The following ST8SIA3 variants were observed in gnomAD, a reference collection of about 807,000 sequenced individuals.
The protein encoded by ST8SIA3 is alpha-N-acetylneuraminate alpha-2,8-sialyltransferase ST8SIA3.
A neutral mutation model predicts 34.5 loss-of-function variants in ST8SIA3; 17 were observed. The observed-to-expected ratio is 0.49, with a 90% CI of 0.34 to 0.74. ST8SIA3 has a LOEUF of 0.74. Among genes scored for constraint, ST8SIA3 ranks in the 30% least tolerant of loss-of-function variants. The pLI, the probability that ST8SIA3 is intolerant of heterozygous loss-of-function variation, is 0.01. For missense variants in ST8SIA3, 354 were observed against 467.8 expected (o/e 0.76, Z 2.24); for synonymous variants, 172 against 176.1 (o/e 0.98, Z 0.19).
Position 57,357,372 on chromosome 18 carries a change from A to G in ST8SIA3, c.762A>G (p.Ala254=). 6.2e-7 allele frequency: 1 copy of G among 1,613,242 alleles called. No individual in the cohort carries two copies. The highest frequency in any genetic ancestry group is 8.5e-7 in the Non-Finnish European group (1 of 1,179,986). ...CTGCATTTTTCTTCCACACTTCAGCAACTGTGACCAGGACATTAGTTGACT... is the reference window on the plus strand; with the variant it reads ...CTGCATTTTTCTTCCACACTTCAGCGACTGTGACCAGGACATTAGTTGACT... ...WIPAFFFHTS[A]TVTRTLVDFF... The change falls in exon 3 of 4, where the codon GCA becomes GCG. Residue 254 remains alanine (A), a synonymous_variant. Transcript: ENST00000324000.
intron 2 of ST8SIA3, 50 bp from the exon 3 acceptor site, chr18:57,356,863 A>G: frequency 1.6e-6 from 2 of 1,215,444 alleles, no homozygotes; most frequent in Non-Finnish European, 2.3e-6. Flanking sequence ...TAAGATGGAA[A>G]ATCAGTTCTT....
chr18:57,354,612 T>C lies in ST8SIA3; in HGVS notation c.302+88T>C, dbSNP rs2049787593. ...AAACAAAAACAAGCAAACAAAAACATCTAAAACAACAAACATCTATACGCC... is the reference window on the plus strand; with the variant it reads ...AAACAAAAACAAGCAAACAAAAACACCTAAAACAACAAACATCTATACGCC... On this transcript the variant is annotated intron_variant, in intron 2 of 3. Transcript: ENST00000324000. 8 of 1,525,042 alleles carry C rather than the reference T, an allele frequency of 5.2e-6. No homozygotes were observed. In the South Asian group the frequency reaches 9.5e-5, roughly 18 times the overall value. 94.5% of individuals were successfully genotyped at this position (1,525,042 alleles called of 1,614,324 possible). A position where few individuals can be genotyped will look rare whatever the true frequency, so the allele number is the denominator to read the frequency against.
In ST8SIA3 at chr18:57,352,687, C is replaced by A. The variant is rs189454939; in HGVS notation, c.-160C>A. 1,414 of 266,242 alleles carry A rather than the reference C, an allele frequency of 5.3e-3. 16 individuals are homozygous for A. Among genetic ancestry groups the A allele is most frequent in the Non-Finnish European group, 7.9e-3 (1,101 of 139,604 alleles). 16.5% of individuals were successfully genotyped at this position (266,242 alleles called of 1,614,324 possible). ...CAACCCCCGGCCCCGGTGGCCTCCC[C>A]CCACCCCCGCCCGGGTCCCCCTCCT... On this transcript the variant is annotated 5_prime_UTR_variant, in exon 1 of 4. Coordinates refer to ENST00000324000, the MANE Select transcript of ST8SIA3 (RefSeq NM_015879.3).
At position 57,352,903 on chromosome 18, in the gene ST8SIA3, C is replaced by G; in HGVS notation, c.57C>G (p.Ser19Arg). The G allele has an allele frequency of 6.2e-7, 1 of 1,613,752 alleles. No individual in the cohort carries two copies. The highest frequency in any genetic ancestry group is 2.2e-5 in the East Asian group (1 of 44,862). Residue 19 changes from serine (S) to arginine (R), a missense_variant, in exon 1 of 4, where the codon AGC becomes AGG. Transcript: ENST00000324000. ...VASVLGLVML[S>R]VALLILSLIS... ...GTGTGCTGGGGCTGGTCATGCTCAG[C>G]GTCGCCCTGCTGATTTTATCGCTCA...
rs1243357769 is a variant in ST8SIA3, at chr18:57,368,876, A to G, written c.*8599A>G. 6.6e-6 allele frequency: 1 copy of G among 152,250 alleles called. No homozygotes were observed. The highest frequency in any genetic ancestry group is 1.5e-5 in the Non-Finnish European group (1 of 68,048). The allele number at this position is 152,250 out of a possible 1,614,324, so 9.4% of individuals were successfully genotyped here. ...GCCTGCCTCATTGCCTTGTGTTCCA[A>G]ACACAGTACTGAATGCGTTGTTTTT... On this transcript the variant is annotated 3_prime_UTR_variant, in exon 4 of 4. Coordinates refer to ENST00000324000, the MANE Select transcript of ST8SIA3 (RefSeq NM_015879.3).
rs183732105 is a variant in ST8SIA3, at chr18:57,360,703, C to T, written c.*426C>T. The T allele has an allele frequency of 8.4e-4, 136 of 161,710 alleles. 1 individual carries two copies. The highest frequency in any genetic ancestry group is 2.9e-3 in the African/African-American group (122 of 41,722). 10.0% of individuals were successfully genotyped at this position (161,710 alleles called of 1,614,324 possible). A position where few individuals can be genotyped will look rare whatever the true frequency, so the allele number is the denominator to read the frequency against. On this transcript the variant is annotated 3_prime_UTR_variant, in exon 4 of 4. Coordinates refer to ENST00000324000, the MANE Select transcript of ST8SIA3 (RefSeq NM_015879.3). ...GGGATCAGACTCTGAAAAATGGAAA[C>T]GTAAAAAACTGGTTTGCATATCTCA...
At chr18:57,358,944 T>G (rs1293727495) in intron 3 of ST8SIA3, among the ~76,000 whole-genome samples, 1 of 152,212 alleles carries the variant, frequency 6.6e-6, no homozygotes, top group Non-Finnish European at 1.5e-5. Flanking sequence ...GACTGAACTT[T>G]TAAATTTCAT....
chr18:57,356,942 T>C lies in ST8SIA3; in HGVS notation c.332T>C (p.Ile111Thr). ...RQEILQHVDV[I>T]KNFSLTKNSV... Reference sequence around the variant, plus strand: ...GAAATTCTTCAGCATGTCGATGTAATAAAAAATTTTTCTTTGACCAAGAAT... The same window carrying C: ...GAAATTCTTCAGCATGTCGATGTAACAAAAAATTTTTCTTTGACCAAGAAT... Residue 111 changes from isoleucine to threonine, a missense_variant, in exon 3 of 4, where the codon ATA becomes ACA. This residue lies in a region of ST8SIA3 where 184 missense variants were observed against 205.4 expected (regional missense o/e 0.90). Transcript: ENST00000324000. The C allele has an allele frequency of 1.2e-6, 2 of 1,600,956 alleles. No individual in the cohort carries two copies. The highest frequency in any genetic ancestry group is 1.7e-6 in the Non-Finnish European group (2 of 1,173,642).
At position 57,352,874 on chromosome 18, in the gene ST8SIA3, G is replaced by A. The variant is rs748102693; in HGVS notation, c.28G>A (p.Ala10Thr). Residue 10 changes from alanine to threonine, a missense_variant, in exon 1 of 4, where the codon GCC becomes ACC. Physicochemically the swap from Ala to Thr is moderately conservative, Grantham distance 58. Coordinates refer to ENST00000324000, the MANE Select transcript of ST8SIA3 (RefSeq NM_015879.3). The part of the protein sequence containing the change: MRNCKMARV[A>T]SVLGLVMLSV... ...GAGAAACTGCAAAATGGCCCGGGTC[G>A]CCAGTGTGCTGGGGCTGGTCATGCT... 23 of 1,613,580 alleles carry A rather than the reference G, an allele frequency of 1.4e-5. No homozygotes were observed. The highest frequency in any genetic ancestry group is 1.9e-5 in the Non-Finnish European group (22 of 1,180,002).
chr18:57,352,783 A>G lies in ST8SIA3; in HGVS notation c.-64A>G. On this transcript the variant is annotated 5_prime_UTR_variant, in exon 1 of 4. Transcript: ENST00000324000. The stretch of plus-strand genomic sequence containing the variant: ...ACACACACACACATATATACACGCC[A>G]GCGAGCTGCTGGCCGCTCAATGGAC... 8.1e-7 allele frequency: 1 copy of G among 1,232,078 alleles called. No individual in the cohort carries two copies. The highest frequency in any genetic ancestry group is 1.2e-6 in the Non-Finnish European group (1 of 849,896). The allele number at this position is 1,232,078 out of a possible 1,614,324, so 76.3% of individuals were successfully genotyped here.
rs752135499 is a variant in ST8SIA3, at chr18:57,352,769, CAT to C, written c.-72_-71del. 44 of 1,024,940 alleles carry C rather than the reference CAT, an allele frequency of 4.3e-5. No homozygotes were observed. Among genetic ancestry groups the C allele is most frequent in the South Asian group, 3.1e-4 (24 of 77,542 alleles). 63.5% of individuals were successfully genotyped at this position (1,024,940 alleles called of 1,614,324 possible). On this transcript the variant is annotated 5_prime_UTR_variant, in exon 1 of 4. Coordinates refer to ENST00000324000, the MANE Select transcript of ST8SIA3 (RefSeq NM_015879.3). ...ACACACACACACACACACACACACACATATATACACGCCAGCGAGCTGCTGGC... is the reference window on the plus strand; with the variant it reads ...ACACACACACACACACACACACACACATATACACGCCAGCGAGCTGCTGGC...
intron 3 of ST8SIA3, among the ~76,000 whole-genome samples, chr18:57,358,464 C>T (rs1478224417): frequency 6.6e-5 from 10 of 152,090 alleles, no homozygotes; most frequent in Admixed American, 5.2e-4. Context: ...CCCGTAGCCT[C>T]TTAAGATGTA....
In ST8SIA3 at chr18:57,353,031, T is replaced by G. The variant is rs372046594; in HGVS notation, c.179+6T>G. ...ATGTTCCACGCGGGATTCCGGTGAGTGCGGGCCTCTGTGTTAGTGCCCTCG... is the reference window on the plus strand; with the variant it reads ...ATGTTCCACGCGGGATTCCGGTGAGGGCGGGCCTCTGTGTTAGTGCCCTCG... On this transcript the variant is annotated splice_donor_region_variant and intron_variant, in intron 1 of 3. Coordinates refer to ENST00000324000, the MANE Select transcript of ST8SIA3 (RefSeq NM_015879.3). 1 of 1,604,174 alleles carries G rather than the reference T, an allele frequency of 6.2e-7. No individual in the cohort carries two copies. The highest frequency in any genetic ancestry group is 1.3e-5 in the African/African-American group (1 of 74,758).
intron 1 of ST8SIA3, 27 bp from the exon 2 acceptor site, chr18:57,354,375 C>T: frequency 6.2e-7 from 1 of 1,613,544 alleles, no homozygotes; most frequent in Non-Finnish European, 8.5e-7. Context: ...GGCCAGCACG[C>T]TTGTCTGTGC....
Position 57,361,652 on chromosome 18 carries a change from A to G in ST8SIA3, c.*1375A>G, listed in dbSNP as rs1036904735. The G allele has an allele frequency of 6.5e-6, 1 of 152,776 alleles. No homozygotes were observed. The highest frequency in any genetic ancestry group is 1.5e-5 in the Non-Finnish European group (1 of 68,024). The allele number at this position is 152,776 out of a possible 1,614,324, so 9.5% of individuals were successfully genotyped here. A position where few individuals can be genotyped will look rare whatever the true frequency, so the allele number is the denominator to read the frequency against. ...CTTTATTTCAGCCATATGAGTAGAA[A>G]TCAAATCATTCCCATCCCTGGCTTT... On this transcript the variant is annotated 3_prime_UTR_variant, in exon 4 of 4. Coordinates refer to ENST00000324000, the MANE Select transcript of ST8SIA3 (RefSeq NM_015879.3).
In ST8SIA3 at chr18:57,364,951, T is replaced by G. The variant is rs1395663240; in HGVS notation, c.*4674T>G. 6.6e-6 allele frequency: 1 copy of G among 152,278 alleles called. No individual in the cohort carries two copies. Among genetic ancestry groups the G allele is most frequent in the Non-Finnish European group, 1.5e-5 (1 of 68,048 alleles). 9.4% of individuals were successfully genotyped at this position (152,278 alleles called of 1,614,324 possible). A position where few individuals can be genotyped will look rare whatever the true frequency, so the allele number is the denominator to read the frequency against. On this transcript the variant is annotated 3_prime_UTR_variant, in exon 4 of 4. Transcript: ENST00000324000. ...TCCTCAGTGAAGCCTATTCTCTTGT[T>G]GTTGATGACAGTGGCATCAGAGTGA... is the stretch of plus-strand genomic sequence containing the variant.
In ST8SIA3 at chr18:57,362,603, A is replaced by G. The variant is rs768783375; in HGVS notation, c.*2326A>G. Reference sequence around the variant, plus strand: ...AGTCTTGGCTCCATCTTAACCTTAGAGTGGGAGGACTTTCCCATCCCCCAC... The same window carrying G: ...AGTCTTGGCTCCATCTTAACCTTAGGGTGGGAGGACTTTCCCATCCCCCAC... On this transcript the variant is annotated 3_prime_UTR_variant, in exon 4 of 4. Coordinates refer to ENST00000324000, the MANE Select transcript of ST8SIA3 (RefSeq NM_015879.3). 3 of 152,138 alleles carry G rather than the reference A, an allele frequency of 2.0e-5. No individual in the cohort carries two copies. The highest frequency in any genetic ancestry group is 2.9e-5 in the Non-Finnish European group (2 of 68,036). 9.4% of individuals were successfully genotyped at this position (152,138 alleles called of 1,614,324 possible).
chr18:57,359,071 CATA>C (rs2049814688), intron 3 of ST8SIA3, among the ~76,000 whole-genome samples: 1 of 152,144 alleles, frequency 6.6e-6, no homozygotes, highest in Non-Finnish European at 1.5e-5. Context: ...TGGAGTTAAT[CATA>C]ATGTTTCTTA....
chr18:57,360,008 A>C lies in ST8SIA3; in HGVS notation c.874A>C (p.Lys292Gln), dbSNP rs1303459539. 6.2e-7 allele frequency: 1 copy of C among 1,611,422 alleles called. No individual in the cohort carries two copies. Among genetic ancestry groups the C allele is most frequent in the Non-Finnish European group, 8.5e-7 (1 of 1,177,696 alleles). The change falls in exon 4 of 4, where the codon AAA (lysine) becomes CAA (glutamine). Residue 292 changes from lysine to glutamine, a missense_variant. Coordinates refer to ENST00000324000, the MANE Select transcript of ST8SIA3 (RefSeq NM_015879.3). ...ATTGTTCCACAGGTACTGGAAAAAC[A>C]AACATTTGTCACCTAAACGGCTGAG... is the stretch of plus-strand genomic sequence containing the variant. ...MQHVNRYWKN[K>Q]HLSPKRLSTG...
Sources: allele counts gnomAD v4.1 joint callset (sites outside exome capture counted in the v4.1 genomes callset), GRCh38; gene constraint gnomAD v4.1.1; regional missense constraint gnomAD v4.1.1; transcripts MANE v1.5; gene names NCBI Gene and HGNC (gene_info 2026-07-23, HGNC 2026-07-21).